The following LINGO2 variants were observed in gnomAD, a reference collection of about 807,000 sequenced individuals.
LINGO2 encodes the protein leucine-rich repeat and immunoglobulin-like domain-containing nogo receptor-interacting protein 2.
Under a neutral mutation model 30.6 loss-of-function variants are expected in LINGO2, and 14 were observed. That is an observed-to-expected ratio of 0.46 (90% confidence interval 0.30 to 0.72). LINGO2 has a LOEUF of 0.72. LINGO2 is among the 30% of genes least tolerant of loss of function. The pLI is 0.07. For missense variants in LINGO2, 729 were observed against 751.7 expected (o/e 0.97, Z 0.35); for synonymous variants, 317 against 288.5 (o/e 1.10, Z -1.00).
At chr9:28,255,812 A>T (rs1238460284) in intron 4 of LINGO2, among the ~76,000 whole-genome samples, 4 of 152,202 alleles carry the variant, frequency 2.6e-5, no homozygotes, top group Non-Finnish European at 5.9e-5. Flanking sequence ...TGTTCTCTCT[A>T]TGAGAGGCTA....
the LINGO2 span, among the ~76,000 whole-genome samples, chr9:29,025,683 G>A: frequency 6.6e-6 from 1 of 152,074 alleles, no homozygotes; most frequent in Non-Finnish European, 1.5e-5. Flanking sequence ...TTACAGTCAC[G>A]CAGCATTTTC....
chr9:29,091,819 G>A, the LINGO2 span, among the ~76,000 whole-genome samples: 8 of 151,942 alleles, frequency 5.3e-5, no homozygotes, highest in African/African-American at 1.9e-4. Flanking sequence ...GGTCTACAAA[G>A]TTGTATTAGG....
chr9:28,124,299 A>C (rs538724827), intron 4 of LINGO2, among the ~76,000 whole-genome samples: 1 of 152,370 alleles, frequency 6.6e-6, no homozygotes, highest in Non-Finnish European at 1.5e-5. Flanking sequence ...TGTTAAAATC[A>C]TGCACTTAAG....
At chr9:28,149,673 A>T (rs1248209236) in intron 4 of LINGO2, among the ~76,000 whole-genome samples, 6 of 95,606 alleles carry the variant, frequency 6.3e-5, no homozygotes, top group Non-Finnish European at 8.7e-5. Context: ...GCCCCCTTAC[A>T]CTCTGGGAAG....
the LINGO2 span, among the ~76,000 whole-genome samples, chr9:28,998,413 A>G: frequency 1.1e-3 from 167 of 152,274 alleles, 3 homozygotes; most frequent in East Asian, 0.028. Context: ...TTTTTAACAC[A>G]AAGAGCTTAT....
the LINGO2 span, among the ~76,000 whole-genome samples, chr9:28,902,989 A>G: frequency 6.6e-6 from 1 of 151,858 alleles, no homozygotes. Flanking sequence ...AACAAACTAA[A>G]CCTAAAGTTA....
At chr9:28,436,091 T>C (rs1204926922) in intron 2 of LINGO2, among the ~76,000 whole-genome samples, 2 of 152,158 alleles carry the variant, frequency 1.3e-5, no homozygotes, top group African/African-American at 2.4e-5. Flanking sequence ...ACATAATAAA[T>C]AGCCCACTCC....
rs190231151 is a variant in LINGO2, at chr9:28,479,243, A to T, written c.-364-3218T>A. The stretch of plus-strand genomic sequence containing the variant: ...ATATTTTAAAAGTGGCAAAAATGAT[A>T]TTAAATTCAGTTATGCTCAGCCTTG... On this transcript the variant is annotated intron_variant, in intron 1 of 5. Coordinates refer to ENST00000379992, the Ensembl canonical transcript of LINGO2. 7.8e-4 allele frequency among the ~76,000 whole-genome samples: 119 copies of T among 152,104 alleles called. No individual in the cohort carries two copies. In the East Asian group the frequency reaches 0.015, roughly 20 times the overall value.
intron 1 of LINGO2, among the ~76,000 whole-genome samples, chr9:28,489,733 T>C (rs990618042): frequency 6.0e-5 from 9 of 150,874 alleles, no homozygotes; most frequent in African/African-American, 2.2e-4. Flanking sequence ...CTGTCTCGAC[T>C]AAAAAAACAC....
the LINGO2 span, among the ~76,000 whole-genome samples, chr9:28,763,961 C>A: frequency 1.3e-5 from 2 of 151,544 alleles, no homozygotes; most frequent in Non-Finnish European, 2.9e-5. Context: ...CCTGCTGAGA[C>A]TGGATCAAGA....
intron 4 of LINGO2, among the ~76,000 whole-genome samples, chr9:28,144,931 G>A (rs547607396): frequency 6.6e-6 from 1 of 152,302 alleles, no homozygotes; most frequent in South Asian, 2.1e-4. Flanking sequence ...TAGTGGGGTG[G>A]ATATTTTGCA....
At chr9:28,560,967 AC>A (rs1823023910) in intron 1 of LINGO2, among the ~76,000 whole-genome samples, 1 of 152,142 alleles carries the variant, frequency 6.6e-6, no homozygotes, top group South Asian at 2.1e-4. Flanking sequence ...AAGCCACCAC[AC>A]CTGGCCTCAT....
the LINGO2 span, among the ~76,000 whole-genome samples, chr9:29,185,409 C>T: frequency 4.1e-4 from 62 of 152,192 alleles, no homozygotes; most frequent in African/African-American, 1.4e-3. Context: ...TTAGGCATTC[C>T]ATCTGCCACA....
chr9:28,526,320 A>T (rs1287020884), intron 1 of LINGO2, among the ~76,000 whole-genome samples: 1 of 152,156 alleles, frequency 6.6e-6, no homozygotes, highest in Admixed American at 6.5e-5. Context: ...CAACAGATAG[A>T]AAAGCAGGTT....
chr9:28,538,183 G>T (rs950812481), intron 1 of LINGO2, among the ~76,000 whole-genome samples: 2 of 150,986 alleles, frequency 1.3e-5, no homozygotes, highest in Non-Finnish European at 3.0e-5. Flanking sequence ...TACTTCAAGG[G>T]AATATAATTT....
intron 3 of LINGO2, among the ~76,000 whole-genome samples, chr9:28,370,723 C>G (rs528968262): frequency 9.9e-5 from 15 of 152,262 alleles, no homozygotes; most frequent in Non-Finnish European, 8.8e-5. Flanking sequence ...AAATGAAAGA[C>G]CTTCCTATCC....
intron 4 of LINGO2, among the ~76,000 whole-genome samples, chr9:28,229,442 G>C (rs976611592): frequency 3.3e-5 from 5 of 151,584 alleles, no homozygotes; most frequent in Admixed American, 3.3e-4. Flanking sequence ...GTAGGAACAA[G>C]TATCAGAGGA....
At chr9:28,325,539 T>C (rs1825196142) in intron 3 of LINGO2, among the ~76,000 whole-genome samples, 1 of 152,048 alleles carries the variant, frequency 6.6e-6, no homozygotes, top group Non-Finnish European at 1.5e-5. Context: ...AACTGAATTA[T>C]GGGGGTGGTT....
At chr9:27,950,160 C>G (rs1246024511) in exon 6 of LINGO2, 2 of 1,614,062 alleles carry the variant, frequency 1.2e-6, no homozygotes, top group Non-Finnish European at 1.7e-6. Context: ...ACTGAATGCC[C>G]TGTGTGATAT....
Sources: gnomAD v4.1 joint callset for allele counts (sites outside exome capture counted in the v4.1 genomes callset) on GRCh38, gnomAD v4.1.1 for gene constraint, MANE v1.5 for transcripts, NCBI Gene and HGNC (gene_info 2026-07-23, HGNC 2026-07-21) for gene names.